Variants in AKR1C3 observed in about 807,000 individuals in gnomAD.
AKR1C3 encodes the protein aldo-keto reductase family 1 member C3.
In AKR1C3, 48 loss-of-function variants were observed where a neutral mutation model predicts 43.6. The observed-to-expected ratio is 1.10, with a 90% CI of 0.87 to 1.40. The LOEUF is 1.40. Ranked by LOEUF, AKR1C3 falls within the 40% of genes most tolerant of loss-of-function variation. AKR1C3 has a pLI of 0.00. For synonymous variants in AKR1C3, 162 were observed against 139.6 expected (o/e 1.16, Z -1.13); for missense variants, 482 against 391.2 (o/e 1.23, Z -1.96).
rs781943464 is a variant in AKR1C3 at position 5,107,497 on chromosome 10, A to G, written c.966A>G (p.Glu322=). ...ACCCTAATTATCCATATTCAGATGA[A>G]TATTAACATGGAGGGCTTTGCCTGA... is the stretch of plus-strand genomic sequence containing the variant. The part of the protein sequence containing the change: ...ASHPNYPYSD[E]Y The change falls in exon 9 of 9, where the codon GAA becomes GAG. Residue 322 remains glutamate (E), a synonymous_variant. Coordinates refer to ENST00000380554, the MANE Select transcript of AKR1C3 (RefSeq NM_003739.6). 5.2e-5 allele frequency: 82 copies of G among 1,588,796 alleles called. No homozygotes were observed. Among genetic ancestry groups the G allele is most frequent in the Non-Finnish European group, 6.3e-5 (73 of 1,157,622 alleles).
At position 5,064,924 on chromosome 10, in the gene AKR1C3, A is replaced by AAC. The variant is rs1838465690; in HGVS notation, c.84+16030_84+16031insCA. On this transcript the variant is annotated intron_variant, in intron 1 of 8. Transcript: ENST00000439082. ...CAAGAAACCTAAACAAAATAAGCAAAAAAAAAAAATTAAAAAGTGGGGAAA... is the reference window on the plus strand; with the variant it reads ...CAAGAAACCTAAACAAAATAAGCAAAACAAAAAAAAATTAAAAAGTGGGGAAA... Among the ~76,000 whole-genome samples the AAC allele has an allele frequency of 5.9e-5, 9 of 151,330 alleles. No individual in the cohort carries two copies. In the South Asian group the frequency reaches 1.7e-3, roughly 28 times the overall value.
In AKR1C3 at chr10:5,099,381, T is replaced by C; in HGVS notation, c.502T>C (p.Phe168Leu). ...GLAKSIGVSN[F>L]NRRQLEMILN... ...GGCCAAGTCCATTGGGGTGTCAAAC[T>C]TCAACCGCAGGCAGCTGGAGATGAT... The change falls in exon 5 of 9, where the codon TTC becomes CTC. Residue 168 changes from phenylalanine to leucine, a missense_variant. By Grantham distance (22) the Phe-to-Leu change is conservative (BLOSUM62 0). Transcript: ENST00000380554. 1 of 1,614,152 alleles carries C rather than the reference T, an allele frequency of 6.2e-7. No individual in the cohort carries two copies. Among genetic ancestry groups the C allele is most frequent in the East Asian group, 2.2e-5 (1 of 44,868 alleles).
At chr10:5,088,910 A>G (rs1554783641) in intron 1 of AKR1C3, among the ~76,000 whole-genome samples, 1 of 151,952 alleles carries the variant, frequency 6.6e-6, no homozygotes, top group Non-Finnish European at 1.5e-5. Flanking sequence ...TGACCTGTGT[A>G]CTTCATGTCC....
intron 1 of AKR1C3, among the ~76,000 whole-genome samples, chr10:5,086,310 T>C (rs1838963415): frequency 6.6e-6 from 1 of 151,626 alleles, no homozygotes; most frequent in Non-Finnish European, 1.5e-5. Flanking sequence ...AACATCTTTA[T>C]TTCTGCCTTC....
At chr10:5,061,117 C>T (rs1305378660) in intron 1 of AKR1C3, among the ~76,000 whole-genome samples, 6 of 152,212 alleles carry the variant, frequency 3.9e-5, no homozygotes, top group African/African-American at 1.4e-4. Flanking sequence ...TGAAGGGCTC[C>T]TCAAGTGCAG....
At chr10:5,083,402 T>C (rs1489278633) in intron 1 of AKR1C3, among the ~76,000 whole-genome samples, 1 of 152,204 alleles carries the variant, frequency 6.6e-6, no homozygotes, top group Non-Finnish European at 1.5e-5. Context: ...AAAAAGGGCA[T>C]GAACTCATCA....
upstream of AKR1C3, among the ~76,000 whole-genome samples, chr10:5,092,938 T>C (rs11592217): frequency 5.2e-3 from 799 of 152,244 alleles, 3 homozygotes; most frequent in Non-Finnish European, 9.6e-3. Flanking sequence ...TTCTGTGTCA[T>C]GACGATTATC....
chr10:5,052,479 T>C (rs556708165), intron 1 of AKR1C3, among the ~76,000 whole-genome samples: 1 of 147,918 alleles, frequency 6.8e-6, no homozygotes, highest in Admixed American at 6.6e-5. Flanking sequence ...CTGATTGGTC[T>C]GTTTTACAGA....
chr10:5,107,582 T>G lies in AKR1C3; in HGVS notation c.*79T>G, dbSNP rs1839540823. ...CAGAGGACGTCTCTATGCCGGTGAC[T>G]GGACATATCACCTCTACTTAAATCC... On this transcript the variant is annotated 3_prime_UTR_variant, in exon 9 of 9. Coordinates refer to ENST00000380554, the MANE Select transcript of AKR1C3 (RefSeq NM_003739.6). 1.7e-6 allele frequency: 2 copies of G among 1,145,984 alleles called. No individual in the cohort carries two copies. The highest frequency in any genetic ancestry group is 3.1e-5 in the African/African-American group (2 of 64,502). 71.0% of individuals were successfully genotyped at this position (1,145,984 alleles called of 1,614,324 possible).
chr10:5,078,612 T>G (rs2131813813), intron 1 of AKR1C3, among the ~76,000 whole-genome samples: 1 of 152,306 alleles, frequency 6.6e-6, no homozygotes, highest in Middle Eastern at 3.4e-3. Context: ...GTTCGTGAGT[T>G]GATTTTCTCT....
At chr10:5,102,754 G>T (rs1839389417) in intron 7 of AKR1C3, 104 bp downstream of exon 7, 1 of 1,508,730 alleles carries the variant, frequency 6.6e-7, no homozygotes, top group Non-Finnish European at 8.9e-7. Flanking sequence ...CCATTTCCCT[G>T]TATTTCCCAT....
chr10:5,081,761 C>G (rs529378936), intron 1 of AKR1C3: 2 of 152,230 alleles, frequency 1.3e-5, no homozygotes, highest in Non-Finnish European at 2.9e-5. Flanking sequence ...TGCAAAACAT[C>G]ACTGCCCAGC....
intron 1 of AKR1C3, among the ~76,000 whole-genome samples, chr10:5,050,575 A>T (rs1838133755): frequency 1.3e-5 from 2 of 152,212 alleles, no homozygotes; most frequent in Admixed American, 6.5e-5. Context: ...CATTGTAAGA[A>T]CTCAAAAACT....
At chr10:5,066,814 CTATTAT>C (rs1351439739) in intron 1 of AKR1C3, among the ~76,000 whole-genome samples, 1 of 152,204 alleles carries the variant, frequency 6.6e-6, no homozygotes, top group Non-Finnish European at 1.5e-5. Flanking sequence ...TCATCCAACT[CTATTAT>C]AACTTTCACA....
Position 5,060,974 on chromosome 10 carries a change from C to T in AKR1C3, c.84+12079C>T, listed in dbSNP as rs148155908. Among the ~76,000 whole-genome samples the T allele has an allele frequency of 2.0e-4, 30 of 152,362 alleles. No individual in the cohort carries two copies. In the East Asian group the frequency reaches 2.1e-3, roughly 11 times the overall value. ...TGAGCCCATGCCCACCTGGAACTCA[C>T]GCTGGCCCACAAGCGTGGCGCACAG... On this transcript the variant is annotated intron_variant, in intron 1 of 8. Transcript: ENST00000439082.
exon 1 of AKR1C3, chr10:5,048,871 A>T (rs1838090621): frequency 6.2e-6 from 10 of 1,613,898 alleles, no homozygotes; most frequent in Non-Finnish European, 8.5e-6. Context: ...CTGTCCTGGG[A>T]TTTGGCACCT....
At chr10:5,104,242 A>G (rs1233861510) in intron 7 of AKR1C3, among the ~76,000 whole-genome samples, 2 of 152,100 alleles carry the variant, frequency 1.3e-5, no homozygotes, top group African/African-American at 4.8e-5. Context: ...CTTTACTTAT[A>G]AATTAGTTGT....
chr10:5,053,691 C>T (rs1232474891), intron 1 of AKR1C3, among the ~76,000 whole-genome samples: 1 of 152,232 alleles, frequency 6.6e-6, no homozygotes, highest in African/African-American at 2.4e-5. Flanking sequence ...GACACCCTAA[C>T]TGCTGTTGGG....
chr10:5,063,889 A>G (rs1443872517), intron 1 of AKR1C3, among the ~76,000 whole-genome samples: 4 of 151,748 alleles, frequency 2.6e-5, no homozygotes, highest in South Asian at 2.1e-4. Context: ...AGGCAGCTCC[A>G]TCACTGTGGG....
Sources: gnomAD v4.1 joint callset for allele counts (sites outside exome capture counted in the v4.1 genomes callset) on GRCh38, gnomAD v4.1.1 for gene constraint, MANE v1.5 for transcripts, NCBI Gene and HGNC (gene_info 2026-07-23, HGNC 2026-07-21) for gene names.